MIPOL1: variants seen among roughly 807,000 people sequenced by gnomAD.
The protein encoded by MIPOL1 is mirror-image polydactyly 1.
A neutral mutation model predicts 60.9 loss-of-function variants in MIPOL1; 57 were observed. The ratio of observed to expected loss-of-function variants is 0.94; its 90% CI spans 0.76 to 1.17. The LOEUF is 1.17. Ranked by LOEUF, MIPOL1 falls within the 50% of genes most tolerant of loss-of-function variation. The pLI is 0.00. For synonymous variants in MIPOL1, 179 were observed against 168.8 expected (o/e 1.06, Z -0.47); for missense variants, 551 against 511.6 (o/e 1.08, Z -0.74).
chr14:37,481,360 A>G (rs189577597), intron 11 of MIPOL1, among the ~76,000 whole-genome samples: 15 of 152,254 alleles, frequency 9.9e-5, no homozygotes, highest in Admixed American at 3.9e-4. Context: ...TAAAATGTCA[A>G]TGAAAGAGAT....
chr14:37,474,177 T>A (rs1594570474), intron 11 of MIPOL1, among the ~76,000 whole-genome samples: 1 of 152,204 alleles, frequency 6.6e-6, no homozygotes, highest in East Asian at 1.9e-4. Flanking sequence ...TTGAAAGACA[T>A]CTTGGTTGTT....
At chr14:37,533,067 TTAAA>T (rs1466104955) in intron 12 of MIPOL1, among the ~76,000 whole-genome samples, 2 of 152,208 alleles carry the variant, frequency 1.3e-5, no homozygotes, top group South Asian at 2.1e-4. Flanking sequence ...ATTATACTAA[TTAAA>T]TAAAGTATAG....
intron 9 of MIPOL1, among the ~76,000 whole-genome samples, chr14:37,364,176 G>A (rs139066549): frequency 3.3e-5 from 5 of 152,290 alleles, no homozygotes; most frequent in African/African-American, 1.2e-4. Context: ...GATGAACTGG[G>A]TACTTTAGTT....
intron 1 of MIPOL1, among the ~76,000 whole-genome samples, chr14:37,211,866 G>A (rs1379434163): frequency 1.3e-5 from 2 of 151,684 alleles, no homozygotes; most frequent in African/African-American, 2.4e-5. Context: ...ATCTTGCATC[G>A]AGGATATCAG....
chr14:37,257,087 G>GTT (rs1458998371), intron 3 of MIPOL1, among the ~76,000 whole-genome samples: 1 of 111,314 alleles, frequency 9.0e-6, no homozygotes, highest in African/African-American at 3.6e-5. Flanking sequence ...GGGTTTTTTG[G>GTT]TTTTGTTTTG....
chr14:37,445,986 G>A (rs2094327730), intron 11 of MIPOL1, among the ~76,000 whole-genome samples: 1 of 151,952 alleles, frequency 6.6e-6, no homozygotes, highest in African/African-American at 2.4e-5. Flanking sequence ...GAAAACCTAG[G>A]CATTACCATT....
intron 1 of MIPOL1, among the ~76,000 whole-genome samples, chr14:37,208,669 C>T (rs1261263482): frequency 6.6e-6 from 1 of 152,184 alleles, no homozygotes; most frequent in Non-Finnish European, 1.5e-5. Flanking sequence ...TCTTGGCTCA[C>T]TGCAACCTCT....
At chr14:37,432,679 T>C (rs2094093920) in intron 11 of MIPOL1, among the ~76,000 whole-genome samples, 1 of 152,164 alleles carries the variant, frequency 6.6e-6, no homozygotes, top group East Asian at 1.9e-4. Flanking sequence ...GATTTTACCT[T>C]TCTTAAAATT....
intron 3 of MIPOL1, among the ~76,000 whole-genome samples, chr14:37,259,534 T>G (rs1329911684): frequency 1.3e-5 from 2 of 151,846 alleles, no homozygotes; most frequent in African/African-American, 4.8e-5. Flanking sequence ...GCCACCTCAC[T>G]CTAGTCTGAG....
At chr14:37,529,675 C>T (rs1229337946) in intron 12 of MIPOL1, among the ~76,000 whole-genome samples, 2 of 151,942 alleles carry the variant, frequency 1.3e-5, no homozygotes, top group African/African-American at 4.8e-5. Flanking sequence ...TTTAACTTGG[C>T]CCTGTAGAAT....
At chr14:37,284,121 T>A (rs113234888) in intron 6 of MIPOL1, among the ~76,000 whole-genome samples, 2 of 152,146 alleles carry the variant, frequency 1.3e-5, no homozygotes, top group Non-Finnish European at 2.9e-5. Flanking sequence ...CCTCCTGATA[T>A]AGTGCTGCAA....
At chr14:37,489,675 G>GT (rs1182727951) in intron 11 of MIPOL1, among the ~76,000 whole-genome samples, 1 of 152,172 alleles carries the variant, frequency 6.6e-6, no homozygotes, top group East Asian at 1.9e-4. Context: ...ATCCCTTTCT[G>GT]TTTTTTGGTT....
intron 12 of MIPOL1, among the ~76,000 whole-genome samples, chr14:37,528,281 T>A (rs975231948): frequency 6.6e-6 from 1 of 152,044 alleles, no homozygotes; most frequent in Non-Finnish European, 1.5e-5. Context: ...TTATATATAA[T>A]CTTTTACATA....
intron 11 of MIPOL1, among the ~76,000 whole-genome samples, chr14:37,480,561 A>G (rs1343690100): frequency 1.3e-5 from 2 of 152,024 alleles, no homozygotes; most frequent in Non-Finnish European, 1.5e-5. Context: ...ATGTACCTCA[A>G]TAAAATAAAG....
In MIPOL1 at chr14:37,348,983, C is replaced by CTTTT. The variant is rs11347957; in HGVS notation, c.829-20514_829-20511dup. ...GCGGTGCCACCATGCCCAGCTAATT[C>CTTTT]TTTTTTTTTTTTTTTTTTTTTTTGA... On this transcript the variant is annotated intron_variant, in intron 9 of 12. Transcript: ENST00000684589. 1.5e-3 allele frequency among the ~76,000 whole-genome samples: 114 copies of CTTTT among 74,124 alleles called. 1 individual carries two copies. The highest frequency in any genetic ancestry group is 2.1e-3 in the East Asian group (4 of 1,910). The allele number at this position is 74,124 out of a possible 152,430, so 48.6% of individuals were successfully genotyped here.
At chr14:37,503,974 G>A (rs2095250886) in intron 12 of MIPOL1, 1 of 152,080 alleles carries the variant, frequency 6.6e-6, no homozygotes, top group Non-Finnish European at 1.5e-5. Context: ...TGATAAAACA[G>A]ACTTTAAACC....
intron 10 of MIPOL1, among the ~76,000 whole-genome samples, chr14:37,403,000 G>A (rs1197630542): frequency 3.3e-5 from 5 of 152,170 alleles, no homozygotes; most frequent in African/African-American, 7.2e-5. Flanking sequence ...GGAGAGAGAA[G>A]CACGATTAGC....
intron 1 of MIPOL1, among the ~76,000 whole-genome samples, chr14:37,214,574 T>C (rs937428996): frequency 6.6e-6 from 1 of 152,150 alleles, no homozygotes; most frequent in Non-Finnish European, 1.5e-5. Context: ...TATATATGAC[T>C]ATCATTAATC....
In MIPOL1 at chr14:37,441,561, C is replaced by T. The variant is rs74913809; in HGVS notation, c.1031+18612C>T. On this transcript the variant is annotated intron_variant, in intron 11 of 12. Coordinates refer to ENST00000684589, the MANE Select transcript of MIPOL1 (RefSeq NM_001388067.1). The stretch of plus-strand genomic sequence containing the variant: ...TGGCTGTAAATATGTGGCTTTCTTT[C>T]TGGGTTTTCTATTCTGTTCCATTGA... Among the ~76,000 whole-genome samples the T allele has an allele frequency of 2.0e-3, 302 of 152,198 alleles. 1 individual carries two copies. The highest frequency in any genetic ancestry group is 6.8e-3 in the Middle Eastern group (2 of 294).
Sources: gnomAD v4.1 joint callset for allele counts (sites outside exome capture counted in the v4.1 genomes callset) on GRCh38, gnomAD v4.1.1 for gene constraint, MANE v1.5 for transcripts, NCBI Gene and HGNC (gene_info 2026-07-23, HGNC 2026-07-21) for gene names.